Variants in ELOVL7 observed in about 807,000 individuals in gnomAD.
The protein encoded by ELOVL7 is ELOVL fatty acid elongase 7, also known as very long chain fatty acid elongase 7.
ELOVL7 carries 27 observed loss-of-function variants against 35.7 expected under a neutral mutation model. The ratio of observed to expected loss-of-function variants is 0.76; its 90% confidence interval spans 0.56 to 1.04. ELOVL7 has a LOEUF of 1.04. Ranked by LOEUF, ELOVL7 falls within the 50% of genes least tolerant of loss-of-function variation. The pLI is 0.00. For synonymous variants in ELOVL7, 113 were observed against 114.6 expected (o/e 0.99, Z 0.09); for missense variants, 327 against 340.8 (o/e 0.96, Z 0.32).
chr5:60,810,732 G>C (rs1277683807), intron 1 of ELOVL7, among the ~76,000 whole-genome samples: 3 of 152,294 alleles, frequency 2.0e-5, no homozygotes, highest in Non-Finnish European at 4.4e-5. Context: ...ATATTTGGGA[G>C]TCATTATACT....
At position 60,809,708 on chromosome 5, in the gene ELOVL7, C is replaced by A. The variant is rs149669663; in HGVS notation, c.-85-10478G>T. On this transcript the variant is annotated intron_variant, in intron 1 of 8. Transcript: ENST00000508821. ...AATTGCATGAGTGTTTATGTATATG[C>A]CTAAGGCAAAAGCTTTGATTTCACA... 2.7e-4 allele frequency among the ~76,000 whole-genome samples: 41 copies of A among 152,244 alleles called. No homozygotes were observed. In the East Asian group the frequency reaches 7.1e-3, roughly 27 times the overall value.
chr5:60,771,059 T>A (rs1742555874), intron 4 of ELOVL7, among the ~76,000 whole-genome samples: 1 of 152,174 alleles, frequency 6.6e-6, no homozygotes, highest in Non-Finnish European at 1.5e-5. Context: ...CAGGTCAGAA[T>A]GCATGTGGAG....
chr5:60,783,203 T>C (rs1335747387), intron 3 of ELOVL7, among the ~76,000 whole-genome samples: 4 of 152,192 alleles, frequency 2.6e-5, no homozygotes, highest in African/African-American at 9.7e-5. Flanking sequence ...AATAGTCTTT[T>C]ATATGGTTTC....
intron 2 of ELOVL7, among the ~76,000 whole-genome samples, chr5:60,789,953 C>G (rs1288056922): frequency 5.3e-5 from 8 of 152,080 alleles, no homozygotes; most frequent in Non-Finnish European, 1.2e-4. Context: ...GCCTGGCCAA[C>G]ACGGTGAAAC....
chr5:60,837,480 A>G (rs1359705630), intron 1 of ELOVL7, among the ~76,000 whole-genome samples: 1 of 152,098 alleles, frequency 6.6e-6, no homozygotes, highest in Non-Finnish European at 1.5e-5. Context: ...ATTCATTGCA[A>G]CTATTACTTA....
At chr5:60,806,081 G>A (rs1415921023) in intron 1 of ELOVL7, among the ~76,000 whole-genome samples, 5 of 152,088 alleles carry the variant, frequency 3.3e-5, no homozygotes, top group African/African-American at 1.2e-4. Context: ...CACTATGACT[G>A]GGGTCTTTAT....
chr5:60,782,157 A>T (rs1250376828), intron 3 of ELOVL7, among the ~76,000 whole-genome samples: 1 of 152,232 alleles, frequency 6.6e-6, no homozygotes, highest in Non-Finnish European at 1.5e-5. Flanking sequence ...AATTCTCAAC[A>T]TCACTAATCA....
At chr5:60,769,753 T>C (rs1287802128) in intron 4 of ELOVL7, among the ~76,000 whole-genome samples, 2 of 152,084 alleles carry the variant, frequency 1.3e-5, no homozygotes, top group Non-Finnish European at 2.9e-5. Context: ...TCCAGGCTAG[T>C]AATAAGAAAA....
chr5:60,787,873 A>G (rs1743694344), intron 2 of ELOVL7, among the ~76,000 whole-genome samples: 1 of 152,218 alleles, frequency 6.6e-6, no homozygotes, highest in Non-Finnish European at 1.5e-5. Context: ...TTCAGGCCTC[A>G]TAAAGTCATC....
chr5:60,807,305 T>A (rs1484789704), intron 1 of ELOVL7, among the ~76,000 whole-genome samples: 2 of 152,192 alleles, frequency 1.3e-5, no homozygotes, highest in African/African-American at 4.8e-5. Context: ...CTATGAATAT[T>A]GAACACTACA....
At chr5:60,772,710 G>C (rs1421573178) in intron 3 of ELOVL7, among the ~76,000 whole-genome samples, 1 of 152,092 alleles carries the variant, frequency 6.6e-6, no homozygotes. Flanking sequence ...CAAACCCAAG[G>C]ATACAGTCTT....
intron 3 of ELOVL7, chr5:60,785,978 A>AGGTG (rs1330576225): frequency 6.6e-5 from 10 of 152,224 alleles, no homozygotes; most frequent in African/African-American, 2.4e-4. Flanking sequence ...CATCTGTGGT[A>AGGTG]GGTGCCAAGA....
intron 2 of ELOVL7, among the ~76,000 whole-genome samples, chr5:60,797,450 G>A (rs1471157294): frequency 2.6e-5 from 4 of 152,162 alleles, no homozygotes; most frequent in Non-Finnish European, 5.9e-5. Flanking sequence ...CTTAGCTTTT[G>A]GGTTACAAAA....
In ELOVL7 at chr5:60,754,278, T is replaced by A. The variant is rs1428663628; in HGVS notation, c.*346A>T. The stretch of plus-strand genomic sequence containing the variant: ...CTCCGTCTGTGCTCAAAATACCTAA[T>A]GATATTTTTCATCTTTATTGGACTT... On this transcript the variant is annotated 3_prime_UTR_variant, in exon 9 of 9. Coordinates refer to ENST00000508821, the MANE Select transcript of ELOVL7 (RefSeq NM_024930.3). 4.9e-6 allele frequency: 1 copy of A among 205,824 alleles called. No individual in the cohort carries two copies. Among genetic ancestry groups the A allele is most frequent in the Non-Finnish European group, 9.9e-6 (1 of 100,650 alleles). The allele number at this position is 205,824 out of a possible 1,614,324, so 12.7% of individuals were successfully genotyped here.
At chr5:60,823,092 T>C (rs1369277590) in intron 1 of ELOVL7, among the ~76,000 whole-genome samples, 1 of 151,998 alleles carries the variant, frequency 6.6e-6, no homozygotes, top group Non-Finnish European at 1.5e-5. Flanking sequence ...GCTTTATTAG[T>C]CTTAAGGTGA....
chr5:60,784,079 T>G, intron 3 of ELOVL7: 1 of 1,153,006 alleles, frequency 8.7e-7, no homozygotes, highest in Non-Finnish European at 1.3e-6. Context: ...ATAGGGAAAG[T>G]AGAATGCCAC....
At chr5:60,776,299 G>A (rs1243996158) in intron 3 of ELOVL7, among the ~76,000 whole-genome samples, 4 of 152,156 alleles carry the variant, frequency 2.6e-5, no homozygotes, top group Non-Finnish European at 5.9e-5. Context: ...AATTAGTTCA[G>A]CCATTGTGGA....
intron 2 of ELOVL7, among the ~76,000 whole-genome samples, chr5:60,788,241 C>T (rs1743718115): frequency 6.6e-6 from 1 of 152,052 alleles, no homozygotes; most frequent in African/African-American, 2.4e-5. Context: ...ATTTTAACAT[C>T]TGTAAAATCA....
chr5:60,830,635 C>G (rs1554068230), intron 1 of ELOVL7, among the ~76,000 whole-genome samples: 1 of 144,358 alleles, frequency 6.9e-6, no homozygotes. Flanking sequence ...GGTAGTATGA[C>G]TATTCATTTT....
Sources: allele counts gnomAD v4.1 joint callset (sites outside exome capture counted in the v4.1 genomes callset), GRCh38; gene constraint gnomAD v4.1.1; transcripts MANE v1.5; gene names NCBI Gene and HGNC (gene_info 2026-07-23, HGNC 2026-07-21).